MEGF11: variants seen among roughly 807,000 people sequenced by gnomAD.
MEGF11 encodes the protein multiple epidermal growth factor-like domains protein 11.
In MEGF11, 126 loss-of-function variants were observed where a neutral mutation model predicts 146.6. The observed-to-expected ratio is 0.86, with a 90% CI of 0.74 to 1.00. MEGF11 has a LOEUF of 1.00. Among genes scored for constraint, MEGF11 ranks in the 50% least tolerant of loss-of-function variants. The pLI, the probability that MEGF11 is intolerant of heterozygous loss-of-function variation, is 0.00. For missense variants in MEGF11, 1,509 were observed against 1,521.2 expected, an observed-to-expected ratio of 0.99 and a Z score of 0.13; for synonymous variants, 532 against 583.4, an observed-to-expected ratio of 0.91 and a Z score of 1.27.
intron 17 of MEGF11, 112 bp downstream of exon 17, chr15:65,916,716 C>A: frequency 2.0e-6 from 3 of 1,527,972 alleles, no homozygotes; most frequent in Non-Finnish European, 2.7e-6. Flanking sequence ...TACCACCAGT[C>A]CTGGGGCTGC....
In MEGF11 at chr15:65,922,392, TGTG is replaced by T. The variant is rs756738619; in HGVS notation, c.1900_1902del (p.His634del). ...GGGAGGCACTCACAGATGCCGCTGA[TGTG>T]GTGGCAGGGCCTGCTGCTGTGCACG... On this transcript the variant is annotated inframe_deletion, in exon 15 of 26. Transcript: ENST00000395614. The T allele has an allele frequency of 2.5e-6, 4 of 1,600,838 alleles. No individual in the cohort carries two copies. Among genetic ancestry groups the T allele is most frequent in the African/African-American group, 1.3e-5 (1 of 74,612 alleles).
At chr15:65,900,424 C>CA (rs1315085135) in intron 24 of MEGF11, among the ~76,000 whole-genome samples, 2 of 152,228 alleles carry the variant, frequency 1.3e-5, no homozygotes, top group African/African-American at 4.8e-5. Context: ...TGTGCCACCA[C>CA]AAGTAGTCTT....
At position 65,898,026 on chromosome 15, in the gene MEGF11, G is replaced by C. The variant is rs1314247337; in HGVS notation, c.3331C>G (p.Leu1111Val). Residue 1111 changes from leucine to valine, a missense_variant, in exon 26 of 26, where the codon CTA (leucine) becomes GTA (valine). Transcript: ENST00000395614. ...NSSYIQNAYD[L>V]PRNSHIPGHY... ...CCAGGAATATGGCTGTTCCTAGGTA[G>C]GTCGTATGCATTCTGGATATAGCTG... 2 of 1,613,968 alleles carry C rather than the reference G, an allele frequency of 1.2e-6. No individual in the cohort carries two copies. Among genetic ancestry groups the C allele is most frequent in the East Asian group, 4.5e-5 (2 of 44,880 alleles).
intron 1 of MEGF11, among the ~76,000 whole-genome samples, chr15:66,242,616 T>C (rs1384916438): frequency 6.6e-6 from 1 of 152,002 alleles, no homozygotes; most frequent in East Asian, 1.9e-4. Context: ...GCCTATCCAA[T>C]AAGCAGTAGG....
At position 66,094,455 on chromosome 15, in the gene MEGF11, G is replaced by A. The variant is rs762617053; in HGVS notation, c.341C>T (p.Ser114Phe). Residue 114 changes from serine to phenylalanine, a missense_variant, in exon 5 of 26, where the codon TCC becomes TTC. Coordinates refer to ENST00000395614, the MANE Select transcript of MEGF11 (RefSeq NM_001385028.1). ...AGGCTCGCAGTGGCAGGTGTCCGGG[G>A]AAACGCAGCGGCCGTGCACACACTC... ...TEECVHGRCV[S>F]PDTCHCEPGW... The A allele has an allele frequency of 7.0e-6, 11 of 1,560,872 alleles. No individual in the cohort carries two copies. In the East Asian group the frequency reaches 2.2e-4, roughly 31 times the overall value.
At chr15:65,941,735 G>T (rs951929012) in intron 10 of MEGF11, among the ~76,000 whole-genome samples, 2 of 152,232 alleles carry the variant, frequency 1.3e-5, no homozygotes, top group Non-Finnish European at 2.9e-5. Context: ...AGAGGTATTT[G>T]TACTTTACTA....
intron 5 of MEGF11, among the ~76,000 whole-genome samples, chr15:66,024,297 C>T (rs1038388874): frequency 6.6e-6 from 1 of 152,264 alleles, no homozygotes; most frequent in Non-Finnish European, 1.5e-5. Flanking sequence ...AATTCTGAAC[C>T]TGCAGTCAGC....
chr15:65,955,796 A>ATG (rs1567175157), intron 10 of MEGF11, among the ~76,000 whole-genome samples: 6 of 57,334 alleles, frequency 1.0e-4, no homozygotes, highest in East Asian at 4.1e-4. Context: ...ATATATATAC[A>ATG]CACACACACA....
At chr15:66,112,302 A>G (rs2087469468) in intron 4 of MEGF11, among the ~76,000 whole-genome samples, 2 of 152,216 alleles carry the variant, frequency 1.3e-5, no homozygotes, top group South Asian at 4.1e-4. Context: ...CACGACAGAA[A>G]AAGCACAACA....
chr15:65,915,332 G>T, intron 19 of MEGF11, 138 bp downstream of exon 19: 2 of 1,188,202 alleles, frequency 1.7e-6, no homozygotes, highest in Non-Finnish European at 2.3e-6. Context: ...AGCCTCTGCA[G>T]CCCACCCTAT....
At chr15:66,248,796 C>T (rs2092332194) in intron 1 of MEGF11, among the ~76,000 whole-genome samples, 2 of 152,130 alleles carry the variant, frequency 1.3e-5, no homozygotes, top group African/African-American at 4.8e-5. Context: ...TAGATCTCAC[C>T]CAAATGTTTG....
intron 5 of MEGF11, among the ~76,000 whole-genome samples, chr15:66,067,826 C>T (rs1328249097): frequency 2.0e-5 from 3 of 152,174 alleles, no homozygotes; most frequent in South Asian, 2.1e-4. Context: ...TTTTCCAGTT[C>T]GCTAAATGGT....
chr15:66,071,118 C>T (rs969241198), intron 5 of MEGF11, among the ~76,000 whole-genome samples: 8 of 152,126 alleles, frequency 5.3e-5, no homozygotes, highest in African/African-American at 1.9e-4. Context: ...GATAAAAGCT[C>T]CACCCAAGGT....
chr15:66,204,459 G>A (rs117343895), intron 1 of MEGF11, among the ~76,000 whole-genome samples: 5,853 of 152,228 alleles, frequency 0.038, 144 homozygotes, highest in Non-Finnish European at 0.06. Flanking sequence ...TATAAACCAC[G>A]TTTCCAGGCC....
chr15:66,111,683 G>C (rs534145451), intron 4 of MEGF11, among the ~76,000 whole-genome samples: 4 of 152,272 alleles, frequency 2.6e-5, no homozygotes, highest in South Asian at 4.1e-4. Context: ...CCAACCTAGA[G>C]ATAAACAAGG....
intron 1 of MEGF11, among the ~76,000 whole-genome samples, chr15:66,190,512 C>T (rs1211244190): frequency 6.6e-6 from 1 of 152,106 alleles, no homozygotes; most frequent in East Asian, 1.9e-4. Context: ...CAGAGGTCCT[C>T]CTCAGACACA....
At chr15:65,970,837 C>G in intron 7 of MEGF11, 148 bp from the exon 8 acceptor site, 1 of 863,458 alleles carries the variant, frequency 1.2e-6, no homozygotes, top group Non-Finnish European at 1.7e-6. Context: ...AAGCCCTCCT[C>G]TTAGAGATGG....
chr15:65,930,190 C>T (rs2079523060), intron 11 of MEGF11, among the ~76,000 whole-genome samples: 2 of 152,308 alleles, frequency 1.3e-5, no homozygotes, highest in African/African-American at 2.4e-5. Context: ...GGCAGCTTAT[C>T]TCAGGACCCT....
At chr15:66,231,095 T>A (rs1480146647) in intron 1 of MEGF11, among the ~76,000 whole-genome samples, 1 of 152,196 alleles carries the variant, frequency 6.6e-6, no homozygotes, top group Non-Finnish European at 1.5e-5. Context: ...AAAGCAATCA[T>A]GTCCATTTCC....
Sources: gnomAD v4.1 joint callset for allele counts (sites outside exome capture counted in the v4.1 genomes callset) on GRCh38, gnomAD v4.1.1 for gene constraint, MANE v1.5 for transcripts, NCBI Gene and HGNC (gene_info 2026-07-23, HGNC 2026-07-21) for gene names.